ALG1: variants seen among roughly 807,000 people sequenced by gnomAD.
The protein encoded by ALG1 is chitobiosyldiphosphodolichol beta-mannosyltransferase.
Under a neutral mutation model 55.1 loss-of-function variants are expected in ALG1, and 58 were observed. The ratio of observed to expected loss-of-function variants is 1.05; its 90% confidence interval spans 0.85 to 1.31. The LOEUF is 1.31. Among genes scored for constraint, ALG1 ranks in the 50% most tolerant of loss-of-function variants. The pLI, the probability that ALG1 is intolerant of heterozygous loss-of-function variation, is 0.00. For missense variants in ALG1, 761 were observed against 598.6 expected, an observed-to-expected ratio of 1.27 and a Z score of -2.83; for synonymous variants, 309 against 247.0, an observed-to-expected ratio of 1.25 and a Z score of -2.35.
Position 5,085,349 on chromosome 16 carries a change from A to G in ALG1, c.*468A>G. On this transcript the variant is annotated 3_prime_UTR_variant, in exon 13 of 13. Coordinates refer to ENST00000262374, the MANE Select transcript of ALG1 (RefSeq NM_019109.5). ...GTTGGGGGAACATCATACTTGATAC[A>G]CACGTTTTTATTTGCACAAAGAAAA... The G allele has an allele frequency of 1.9e-6, 1 of 515,056 alleles. No homozygotes were observed. 31.9% of individuals were successfully genotyped at this position (515,056 alleles called of 1,614,324 possible).
chr16:5,084,978 A>G lies in ALG1; in HGVS notation c.*97A>G, dbSNP rs971911419. On this transcript the variant is annotated 3_prime_UTR_variant, in exon 13 of 13. Coordinates refer to ENST00000262374, the MANE Select transcript of ALG1 (RefSeq NM_019109.5). ...CAAACCCTTTCGAGCAGCACCTCCC[A>G]GTGGCCAGAAGCTGAAATGACAGCA... The G allele has an allele frequency of 1.3e-6, 2 of 1,583,334 alleles. No individual in the cohort carries two copies. The highest frequency in any genetic ancestry group is 1.3e-5 in the African/African-American group (1 of 74,602).
At chr16:5,078,696 C>G in intron 6 of ALG1, 61 bp from the exon 7 acceptor site, 1 of 1,611,680 alleles carries the variant, frequency 6.2e-7, no homozygotes, top group Non-Finnish European at 8.5e-7. Flanking sequence ...GCAGGAGATG[C>G]CTCTCCTGGG....
At chr16:5,079,003 C>A in intron 7 of ALG1, 61 bp from the exon 8 acceptor site, 1 of 1,600,928 alleles carries the variant, frequency 6.2e-7, no homozygotes, top group Non-Finnish European at 8.5e-7. Context: ...ACGGGAGGGC[C>A]TGTGAGCTGG....
intron 4 of ALG1, among the ~76,000 whole-genome samples, chr16:5,076,412 T>G (rs967080607): frequency 6.6e-6 from 1 of 152,232 alleles, no homozygotes; most frequent in South Asian, 2.1e-4. Flanking sequence ...TTTTTGTATT[T>G]TACCCTGTTC....
At chr16:5,079,641 A>G in intron 8 of ALG1, 107 bp from the exon 9 acceptor site, 1 of 1,302,612 alleles carries the variant, frequency 7.7e-7, no homozygotes, top group Non-Finnish European at 1.1e-6. Context: ...GTGAGCTGAG[A>G]TCGCGCCATT....
At position 5,081,465 on chromosome 16, in the gene ALG1, G is replaced by GA. The variant is rs527384725; in HGVS notation, c.1072+409_1072+410insA. Among the ~76,000 whole-genome samples the GA allele has an allele frequency of 4.6e-3, 698 of 152,382 alleles. 2 individuals are homozygous for GA. The highest frequency in any genetic ancestry group is 8.1e-3 in the Non-Finnish European group (552 of 68,040). On this transcript the variant is annotated intron_variant, in intron 10 of 12. Transcript: ENST00000262374. ...TCTCTTTCCCCGTTGATTTCTCCAA[G>GA]TGGGGAGTCGTGCCTTGGTCCTGAT...
chr16:5,074,307 G>A (rs1394069996), intron 3 of ALG1, among the ~76,000 whole-genome samples: 1 of 151,798 alleles, frequency 6.6e-6, no homozygotes, highest in Non-Finnish European at 1.5e-5. Flanking sequence ...CACCATGCCT[G>A]GCTAATTTTT....
At chr16:5,074,966 A>G (rs1956882394) in intron 3 of ALG1, among the ~76,000 whole-genome samples, 3 of 152,234 alleles carry the variant, frequency 2.0e-5, no homozygotes, top group Admixed American at 2.0e-4. Context: ...GCAGTGGCAC[A>G]ATCATAGCTT....
intron 12 of ALG1, 133 bp from the exon 13 acceptor site, chr16:5,084,610 AGGGTCTC>A: frequency 2.3e-6 from 3 of 1,328,814 alleles, no homozygotes; most frequent in Non-Finnish European, 3.1e-6. Context: ...TGGGGTGTGA[AGGGTCTC>A]GAGTCCAAGT....
intron 2 of ALG1, 23 bp from the exon 3 acceptor site, chr16:5,073,130 C>T (rs1383198602): frequency 6.2e-7 from 1 of 1,613,418 alleles, no homozygotes; most frequent in Non-Finnish European, 8.5e-7. Flanking sequence ...CTTTGGTAGT[C>T]ACAGGTGTTT....
intron 9 of ALG1, among the ~76,000 whole-genome samples, chr16:5,080,075 T>G: frequency 6.8e-6 from 1 of 146,940 alleles, no homozygotes; most frequent in Non-Finnish European, 1.5e-5. Flanking sequence ...ATTGGTGTCT[T>G]TTTTTTTTTT....
chr16:5,081,095 G>GC, intron 10 of ALG1, 39 bp downstream of exon 10: 1 of 467,444 alleles, frequency 2.1e-6, no homozygotes, highest in Non-Finnish European at 3.9e-6. Context: ...GAGGCGGGGG[G>GC]AACAGGGTGG....
intron 3 of ALG1, among the ~76,000 whole-genome samples, chr16:5,074,420 G>C (rs1257807900): frequency 6.6e-6 from 1 of 152,152 alleles, no homozygotes; most frequent in Non-Finnish European, 1.5e-5. Flanking sequence ...AGATTGCTGG[G>C]ATTACAGGCA....
rs780479533 is a variant in ALG1 at position 5,078,003 on chromosome 16, T to G, written c.726T>G (p.Ser242=). The change falls in exon 6 of 13, where the codon TCT becomes TCG. Residue 242 remains serine, a synonymous_variant. Coordinates refer to ENST00000262374, the MANE Select transcript of ALG1 (RefSeq NM_019109.5). ...TCATGAAGCTGGGCAGCATGCACTC[T>G]CCGTTCAGGGCCCGGTAGGCCTCCC... The part of the protein sequence containing the change: ...RLFMKLGSMH[S]PFRARSEPED... 4 of 1,599,634 alleles carry G rather than the reference T, an allele frequency of 2.5e-6. No homozygotes were observed. Among genetic ancestry groups the G allele is most frequent in the Non-Finnish European group, 3.4e-6 (4 of 1,179,800 alleles).
chr16:5,085,443 C>T lies in ALG1; in HGVS notation c.*562C>T. 2 of 602,646 alleles carry T rather than the reference C, an allele frequency of 3.3e-6. No homozygotes were observed. Among genetic ancestry groups the T allele is most frequent in the East Asian group, 2.9e-5 (1 of 34,404 alleles). The allele number at this position is 602,646 out of a possible 1,614,324, so 37.3% of individuals were successfully genotyped here. A position where few individuals can be genotyped will look rare whatever the true frequency, so the allele number is the denominator to read the frequency against. ...TTTTCTTAAGAACCAGAACTGCTGG[C>T]AGAAAGGGGGCACCCACACGCTTAG... is the stretch of plus-strand genomic sequence containing the variant. On this transcript the variant is annotated 3_prime_UTR_variant, in exon 13 of 13. Transcript: ENST00000262374.
intron 12 of ALG1, among the ~76,000 whole-genome samples, chr16:5,084,071 A>G (rs573572571): frequency 2.0e-5 from 3 of 152,308 alleles, no homozygotes; most frequent in Admixed American, 2.0e-4. Flanking sequence ...TGGGCGGGCA[A>G]AGGGAGCTTC....
intron 5 of ALG1, 43 bp downstream of exon 5, chr16:5,077,577 G>A: frequency 6.3e-7 from 1 of 1,586,878 alleles, no homozygotes; most frequent in South Asian, 1.1e-5. Flanking sequence ...GAGGCGCGGG[G>A]CCCCTGATTG....
Position 5,080,216 on chromosome 16 carries a change from C to T in ALG1, c.961+409C>T, listed in dbSNP as rs571742793. On this transcript the variant is annotated intron_variant, in intron 9 of 12. Coordinates refer to ENST00000262374, the MANE Select transcript of ALG1 (RefSeq NM_019109.5). ...CCGAGTGGCTGGGACTACAGGTGCC[C>T]ACCACAACTGCCTAATTTTTGTATT... Among the ~76,000 whole-genome samples, 204 of 151,984 alleles carry T rather than the reference C, an allele frequency of 1.3e-3. 1 individual carries two copies. The highest frequency in any genetic ancestry group is 4.6e-3 in the African/African-American group (189 of 41,428).
chr16:5,077,519 A>C lies in ALG1; in HGVS notation c.614A>C (p.Asp205Ala), dbSNP rs1567168545. 6.2e-7 allele frequency: 1 copy of C among 1,614,214 alleles called. No homozygotes were observed. The highest frequency in any genetic ancestry group is 1.3e-5 in the African/African-American group (1 of 75,074). Residue 205 changes from aspartate (D) to alanine (A), a missense_variant, in exon 5 of 13, where the codon GAT becomes GCT. Asp to Ala is a moderately radical substitution (Grantham distance 126). Transcript: ENST00000262374. Reference protein sequence around the residue: ...VTNAMREDLADNWHIRAVTVY... With the variant: ...VTNAMREDLAANWHIRAVTVY... ...AATGCTATGCGAGAAGACCTGGCGG[A>C]TAACTGGCACATCAGGTACCATGGC...
Sources: gnomAD v4.1 joint callset for allele counts (sites outside exome capture counted in the v4.1 genomes callset) on GRCh38, gnomAD v4.1.1 for gene constraint, MANE v1.5 for transcripts, NCBI Gene and HGNC (gene_info 2026-07-23, HGNC 2026-07-21) for gene names.